The following NTN1 variants were observed in gnomAD, a reference collection of about 807,000 sequenced individuals.
NTN1 encodes the protein netrin-1.
NTN1 carries 11 observed loss-of-function variants against 54.2 expected under a neutral mutation model. That is an observed-to-expected ratio of 0.20 (90% confidence interval 0.13 to 0.34). The LOEUF is 0.34. Ranked by LOEUF, NTN1 falls within the 10% of genes least tolerant of loss-of-function variation. The pLI is 1.00. For missense variants in NTN1, 740 were observed against 893.1 expected (o/e 0.83, Z 2.18); for synonymous variants, 371 against 382.0 (o/e 0.97, Z 0.33).
At position 9,047,010 on chromosome 17, in the gene NTN1, G is replaced by C. The variant is rs111524570; in HGVS notation, c.1018+23619G>C. On this transcript the variant is annotated intron_variant, in intron 2 of 6. Transcript: ENST00000173229. ...ATAAAAGTTATGTTTACGCTATACT[G>C]TAGTCTGTTAAGTGTACAGTAGCAT... Among the ~76,000 whole-genome samples the C allele has an allele frequency of 2.6e-3, 394 of 152,282 alleles. 4 individuals carry two copies. The highest frequency in any genetic ancestry group is 9.1e-3 in the African/African-American group (378 of 41,560).
chr17:9,099,602 G>A (rs9892896), intron 2 of NTN1, among the ~76,000 whole-genome samples: 28,646 of 151,664 alleles, frequency 0.19, 3,099 homozygotes, highest in Non-Finnish European at 0.24. Context: ...TCATAGATAC[G>A]TGTTTGTATA....
chr17:9,186,672 C>T (rs534313996), intron 5 of NTN1, among the ~76,000 whole-genome samples: 9 of 152,284 alleles, frequency 5.9e-5, no homozygotes, highest in East Asian at 1.9e-4. Flanking sequence ...TGAACCTCTC[C>T]GAGAAGCTCC....
At chr17:9,096,617 C>T (rs376794337) in intron 2 of NTN1, among the ~76,000 whole-genome samples, 22 of 152,066 alleles carry the variant, frequency 1.4e-4, no homozygotes, top group East Asian at 1.2e-3. Flanking sequence ...GTGATCCACC[C>T]GCCTCCACTT....
At chr17:9,013,997 C>G in the NTN1 span, among the ~76,000 whole-genome samples, 7 of 152,192 alleles carry the variant, frequency 4.6e-5, no homozygotes, top group Non-Finnish European at 8.8e-5. Context: ...TCAAAGAGCC[C>G]TGGTAGATTA....
At chr17:9,075,652 C>G (rs1229620021) in intron 2 of NTN1, among the ~76,000 whole-genome samples, 1 of 152,222 alleles carries the variant, frequency 6.6e-6, no homozygotes, top group Non-Finnish European at 1.5e-5. Flanking sequence ...GTCATTGCCC[C>G]TCCTAGCTTC....
In NTN1 at chr17:9,166,410, C is replaced by T. The variant is rs533162022; in HGVS notation, c.1207+3409C>T. On this transcript the variant is annotated intron_variant, in intron 3 of 6. Coordinates refer to ENST00000173229, the MANE Select transcript of NTN1 (RefSeq NM_004822.3). ...AGGCTGGAGTGCAGTGGTGCAATCT[C>T]GGCTCACTGCAACCTCTGCCTCCCA... Among the ~76,000 whole-genome samples the T allele has an allele frequency of 1.8e-4, 26 of 143,728 alleles. No individual in the cohort carries two copies. In the East Asian group the frequency reaches 3.3e-3, roughly 19 times the overall value. 94.3% of individuals were successfully genotyped at this position (143,728 alleles called of 152,430 possible).
intron 2 of NTN1, among the ~76,000 whole-genome samples, chr17:9,141,281 G>A (rs1010114089): frequency 2.6e-5 from 4 of 151,868 alleles, no homozygotes; most frequent in Non-Finnish European, 5.9e-5. Context: ...CTGGAAGAAC[G>A]CCAGCTTTAA....
At chr17:9,175,339 C>T (rs1222628959) in intron 3 of NTN1, 1 of 152,264 alleles carries the variant, frequency 6.6e-6, no homozygotes, top group Non-Finnish European at 1.5e-5. Context: ...CAACAAGATT[C>T]TGGCACCATG....
At chr17:9,162,615 G>A (rs1461484714) in intron 2 of NTN1, among the ~76,000 whole-genome samples, 198 bp from the exon 3 acceptor site, 2 of 152,208 alleles carry the variant, frequency 1.3e-5, no homozygotes, top group Non-Finnish European at 2.9e-5. Context: ...CCTTAGCCAT[G>A]TATTGTTACG....
intron 2 of NTN1, among the ~76,000 whole-genome samples, chr17:9,121,450 G>A (rs534788905): frequency 3.3e-5 from 5 of 152,170 alleles, no homozygotes; most frequent in African/African-American, 1.2e-4. Flanking sequence ...TGCTTCCCCG[G>A]TGATTTTTCC....
At position 9,219,364 on chromosome 17, in the gene NTN1, G is replaced by A. The variant is rs558435937; in HGVS notation, c.1412-1804G>A. On this transcript the variant is annotated intron_variant, in intron 5 of 6. Transcript: ENST00000173229. The surrounding 1 kb of genome is among the most constrained non-coding windows in gnomAD (Gnocchi z 4.5). The stretch of plus-strand genomic sequence containing the variant: ...AGATGGCAGGAGGGATGGGGACTGT[G>A]GCCACCAGTGCCATGGAGCAGGGGT... Among the ~76,000 whole-genome samples, 1 of 152,308 alleles carries A rather than the reference G, an allele frequency of 6.6e-6. No individual in the cohort carries two copies. Among genetic ancestry groups the A allele is most frequent in the South Asian group, 2.1e-4 (1 of 4,828 alleles).
At chr17:9,146,392 C>A (rs9916305) in intron 2 of NTN1, among the ~76,000 whole-genome samples, 4,632 of 151,476 alleles carry the variant, frequency 0.031, 237 homozygotes, top group African/African-American at 0.11. Context: ...TCATTGTTCT[C>A]TGCATTTTCT....
intron 2 of NTN1, among the ~76,000 whole-genome samples, chr17:9,040,003 C>T (rs2151512831): frequency 6.6e-6 from 1 of 152,282 alleles, no homozygotes; most frequent in East Asian, 1.9e-4. Flanking sequence ...GGGCAAATAC[C>T]TAAGAGTGGA....
At chr17:9,039,228 G>A (rs2091913717) in intron 2 of NTN1, among the ~76,000 whole-genome samples, 1 of 151,972 alleles carries the variant, frequency 6.6e-6, no homozygotes, top group Non-Finnish European at 1.5e-5. Flanking sequence ...TTGCTTGCTT[G>A]TTTCTTTATA....
chr17:9,016,216 G>A, the NTN1 span, among the ~76,000 whole-genome samples: 2 of 152,098 alleles, frequency 1.3e-5, no homozygotes, highest in African/African-American at 4.8e-5. Context: ...GAAGACACCA[G>A]CACTGGTCAG....
rs201713403 is a variant in NTN1 at position 9,164,456 on chromosome 17, A to G, written c.1207+1455A>G. 1.8e-4 allele frequency among the ~76,000 whole-genome samples: 24 copies of G among 136,700 alleles called. No individual in the cohort carries two copies. The East Asian group carries it at 2.1e-3, about 12-fold the overall frequency. 89.7% of individuals were successfully genotyped at this position (136,700 alleles called of 152,430 possible). ...AAAAAAAGAAAGAACATCTTGGGGGAAAAAAAAAAGAAAGTAACAAAGTAG... is the reference window on the plus strand; with the variant it reads ...AAAAAAAGAAAGAACATCTTGGGGGGAAAAAAAAAGAAAGTAACAAAGTAG... On this transcript the variant is annotated intron_variant, in intron 3 of 6. Transcript: ENST00000173229.
chr17:9,131,060 G>T (rs1415993354), intron 2 of NTN1, among the ~76,000 whole-genome samples: 1 of 152,026 alleles, frequency 6.6e-6, no homozygotes, highest in Non-Finnish European at 1.5e-5. Flanking sequence ...TCTCCGCTCT[G>T]CCAGGCACAC....
chr17:9,171,808 G>A (rs942080149), intron 3 of NTN1: 1 of 152,278 alleles, frequency 6.6e-6, no homozygotes, highest in East Asian at 1.9e-4. Context: ...GGTGTCTGGA[G>A]AGGAGTTGGG....
At chr17:9,231,095 G>A (rs1215677870) in intron 6 of NTN1, among the ~76,000 whole-genome samples, 3 of 152,122 alleles carry the variant, frequency 2.0e-5, no homozygotes, top group East Asian at 1.9e-4. Context: ...ATCTTCTCCC[G>A]ACGCAGAGCG....
Sources: allele counts gnomAD v4.1 joint callset (sites outside exome capture counted in the v4.1 genomes callset), GRCh38; gene constraint gnomAD v4.1.1; non-coding constraint Gnocchi (gnomAD v3.1); transcripts MANE v1.5; gene names NCBI Gene and HGNC (gene_info 2026-07-23, HGNC 2026-07-21).